GPATCH2: variants seen among roughly 807,000 people sequenced by gnomAD.
The protein encoded by GPATCH2 is G patch domain-containing protein 2.
A neutral mutation model predicts 58.0 loss-of-function variants in GPATCH2; 51 were observed. The observed-to-expected ratio is 0.88, with a 90% CI of 0.70 to 1.11. GPATCH2 has a LOEUF of 1.11. Among genes scored for constraint, GPATCH2 ranks in the 50% most tolerant of loss-of-function variants. The probability of loss-of-function intolerance (pLI) is 0.00; values close to 1 mark genes in which losing one functional copy is unlikely to be tolerated. For missense variants in GPATCH2, 625 were observed against 652.2 expected (o/e 0.96, Z 0.45); for synonymous variants, 222 against 218.5 (o/e 1.02, Z -0.14).
At chr1:217,556,631 C>T (rs1665639132) in intron 5 of GPATCH2, among the ~76,000 whole-genome samples, 1 of 152,162 alleles carries the variant, frequency 6.6e-6, no homozygotes, top group Non-Finnish European at 1.5e-5. Flanking sequence ...ATGATTTTTT[C>T]ATCCAGTTTT....
chr1:217,578,228 G>A (rs1431403806), intron 5 of GPATCH2, among the ~76,000 whole-genome samples: 1 of 151,640 alleles, frequency 6.6e-6, no homozygotes, highest in African/African-American at 2.4e-5. Flanking sequence ...AAATATTTCT[G>A]CCACTTTTTA....
At chr1:217,434,790 C>T (rs1658733667) in intron 9 of GPATCH2, among the ~76,000 whole-genome samples, 1 of 152,102 alleles carries the variant, frequency 6.6e-6, no homozygotes, top group Non-Finnish European at 1.5e-5. Flanking sequence ...GTATTTCAAG[C>T]AGGGTAGCCC....
intron 5 of GPATCH2, among the ~76,000 whole-genome samples, chr1:217,520,562 G>A (rs573898025): frequency 3.3e-5 from 5 of 152,222 alleles, no homozygotes; most frequent in South Asian, 2.1e-4. Flanking sequence ...ATATAGTATC[G>A]ACTAGTCATA....
chr1:217,584,919 T>C (rs1225073683), intron 5 of GPATCH2, among the ~76,000 whole-genome samples: 1 of 151,190 alleles, frequency 6.6e-6, no homozygotes, highest in Non-Finnish European at 1.5e-5. Flanking sequence ...AAAGATATAC[T>C]AAAACAAAAG....
rs558071917 is a variant in GPATCH2, at chr1:217,460,505, A to C, written c.1278-11168T>G. Among the ~76,000 whole-genome samples, 392 of 152,342 alleles carry C rather than the reference A, an allele frequency of 2.6e-3. 2 individuals carry two copies. The highest frequency in any genetic ancestry group is 4.4e-3 in the Non-Finnish European group (301 of 68,032). On this transcript the variant is annotated intron_variant, in intron 8 of 9. Coordinates refer to ENST00000366935, the MANE Select transcript of GPATCH2 (RefSeq NM_018040.5). ...CAAAGAGAATCCTCAACCAGCATAT[A>C]AGGGCATTCTAGGCCCCTAAGTGAG...
intron 5 of GPATCH2, among the ~76,000 whole-genome samples, chr1:217,552,356 A>C (rs1665406959): frequency 6.6e-6 from 1 of 152,186 alleles, no homozygotes. Context: ...TATACTATTC[A>C]GAATGTACTC....
intron 5 of GPATCH2, among the ~76,000 whole-genome samples, chr1:217,553,831 C>T (rs1348282579): frequency 6.6e-6 from 1 of 152,124 alleles, no homozygotes; most frequent in African/African-American, 2.4e-5. Flanking sequence ...TTTTACATAA[C>T]TGAAAAGTAA....
intron 5 of GPATCH2, among the ~76,000 whole-genome samples, chr1:217,551,056 T>G (rs1173019683): frequency 6.6e-6 from 1 of 151,498 alleles, no homozygotes; most frequent in African/African-American, 2.4e-5. Context: ...AATAATATTT[T>G]AATCAAAATC....
At chr1:217,463,674 A>AAAAAG (rs1660306636) in intron 8 of GPATCH2, among the ~76,000 whole-genome samples, 1 of 137,030 alleles carries the variant, frequency 7.3e-6, no homozygotes, top group African/African-American at 2.9e-5. Context: ...AAAAAAAAAA[A>AAAAAG]GGCAGGCATA....
At chr1:217,508,781 C>G (rs910683618) in intron 6 of GPATCH2, among the ~76,000 whole-genome samples, 4 of 152,016 alleles carry the variant, frequency 2.6e-5, no homozygotes, top group South Asian at 2.1e-4. Flanking sequence ...ACTAATTTCT[C>G]TAGCTGGATT....
At chr1:217,624,528 C>T (rs2102852388) in intron 1 of GPATCH2, among the ~76,000 whole-genome samples, 1 of 152,308 alleles carries the variant, frequency 6.6e-6, no homozygotes, top group South Asian at 2.1e-4. Flanking sequence ...ACTGGCCCAT[C>T]AAAAACAAAG....
At chr1:217,550,571 T>G (rs1275887035) in intron 5 of GPATCH2, among the ~76,000 whole-genome samples, 1 of 152,058 alleles carries the variant, frequency 6.6e-6, no homozygotes, top group Non-Finnish European at 1.5e-5. Context: ...AAAGTCAAAT[T>G]TTCTTGTTAC....
intron 6 of GPATCH2, among the ~76,000 whole-genome samples, chr1:217,506,730 C>G (rs1210543860): frequency 5.9e-5 from 9 of 152,218 alleles, no homozygotes; most frequent in Non-Finnish European, 1.2e-4. Flanking sequence ...CGAACCTTCT[C>G]TGGTCTCATC....
In GPATCH2 at chr1:217,463,641, CAAAAAAAAAAAAAAAAAAAA is replaced by C. The variant is rs201402598; in HGVS notation, c.1278-14324_1278-14305del. Among the ~76,000 whole-genome samples, 88 of 82,454 alleles carry C rather than the reference CAAAAAAAAAAAAAAAAAAAA, an allele frequency of 1.1e-3. 1 individual carries two copies. Among genetic ancestry groups the C allele is most frequent in the African/African-American group, 1.7e-3 (25 of 14,890 alleles). 54.1% of individuals were successfully genotyped at this position (82,454 alleles called of 152,430 possible). On this transcript the variant is annotated intron_variant, in intron 8 of 9. Coordinates refer to ENST00000366935, the MANE Select transcript of GPATCH2 (RefSeq NM_018040.5). Reference sequence around the variant, plus strand: ...GCAACATAGCAAGAACTTATCACTCCAAAAAAAAAAAAAAAAAAAAAAAAAAAAAAAAAGGCAGGCATAGT... The same window carrying C: ...GCAACATAGCAAGAACTTATCACTCCAAAAAAAAAAAAAGGCAGGCATAGT...
chr1:217,477,246 C>T (rs116271050), intron 8 of GPATCH2, among the ~76,000 whole-genome samples: 1,685 of 152,270 alleles, frequency 0.011, 34 homozygotes, highest in African/African-American at 0.038. Context: ...AGGTACCACA[C>T]TGAGGGCCTT....
rs751220064 is a variant in GPATCH2, at chr1:217,619,782, C to T, written c.773+1G>A. ...TTATATTTAGAGAATATAAAAGTCA[C>T]CTTTCACTCATGAGCTCATCTGAGA... On this transcript the variant is annotated splice_donor_variant, in intron 2 of 9. Transcript: ENST00000366935. LOFTEE classifies it high-confidence loss of function. 5 of 1,394,512 alleles carry T rather than the reference C, an allele frequency of 3.6e-6. No individual in the cohort carries two copies. The highest frequency in any genetic ancestry group is 4.9e-6 in the Non-Finnish European group (5 of 1,017,320). 86.4% of individuals were successfully genotyped at this position (1,394,512 alleles called of 1,614,324 possible).
intron 9 of GPATCH2, among the ~76,000 whole-genome samples, chr1:217,445,476 C>T (rs1659345940): frequency 6.6e-6 from 1 of 152,040 alleles, no homozygotes; most frequent in South Asian, 2.1e-4. Context: ...CACTGCTTTT[C>T]TTCACCTTTA....
chr1:217,547,817 A>G (rs1404454116), intron 5 of GPATCH2, among the ~76,000 whole-genome samples: 1 of 152,004 alleles, frequency 6.6e-6, no homozygotes, highest in Non-Finnish European at 1.5e-5. Flanking sequence ...TGTAATTACC[A>G]TGTGTCAGAG....
At chr1:217,582,020 A>G (rs1474870613) in intron 5 of GPATCH2, among the ~76,000 whole-genome samples, 1 of 152,226 alleles carries the variant, frequency 6.6e-6, no homozygotes, top group East Asian at 1.9e-4. Flanking sequence ...ACTAAAAAAT[A>G]CCCGTGGTCA....
Sources: gnomAD v4.1 joint callset for allele counts (sites outside exome capture counted in the v4.1 genomes callset) on GRCh38, gnomAD v4.1.1 for gene constraint, MANE v1.5 for transcripts, NCBI Gene and HGNC (gene_info 2026-07-23, HGNC 2026-07-21) for gene names.